CACNA1E: variants seen among roughly 807,000 people sequenced by gnomAD.
The protein encoded by CACNA1E is calcium voltage-gated channel subunit alpha1 E, also known as voltage-dependent R-type calcium channel subunit alpha-1E.
In CACNA1E, 40 loss-of-function variants were observed where a neutral mutation model predicts 259.2. The ratio of observed to expected loss-of-function variants is 0.15; its 90% CI spans 0.12 to 0.20. The LOEUF is 0.20. Among genes scored for constraint, CACNA1E ranks in the 10% least tolerant of loss-of-function variants. CACNA1E has a pLI of 1.00. For missense variants in CACNA1E, 1,874 were observed against 3,040.1 expected (o/e 0.62, Z 9.02); for synonymous variants, 1,104 against 1,138.5 (o/e 0.97, Z 0.61).
At chr1:181,370,395 G>A (rs1336084398) in intron 1 of CACNA1E, among the ~76,000 whole-genome samples, 1 of 150,856 alleles carries the variant, frequency 6.6e-6, no homozygotes, top group Admixed American at 6.6e-5. Context: ...CCCAGGTAGT[G>A]AGCATGGTAC....
rs115624902 is a variant in CACNA1E at position 181,347,539 on chromosome 1, C to G, written c.-15+29416C>G. Among the ~76,000 whole-genome samples, 188 of 152,354 alleles carry G rather than the reference C, an allele frequency of 1.2e-3. 1 individual carries two copies. The highest frequency in any genetic ancestry group is 4.3e-3 in the African/African-American group (180 of 41,582). On this transcript the variant is annotated intron_variant, in intron 1 of 11. Transcript: ENST00000524607. Reference sequence around the variant, plus strand: ...AGGGCCCCCTCCCTCCATCTCCACCCTGAACTCCAGACCCTGCAGGCTCTG... The same window carrying G: ...AGGGCCCCCTCCCTCCATCTCCACCGTGAACTCCAGACCCTGCAGGCTCTG...
chr1:181,688,729 T>C (rs1354457711), intron 7 of CACNA1E, among the ~76,000 whole-genome samples: 1 of 152,208 alleles, frequency 6.6e-6, no homozygotes, highest in African/African-American at 2.4e-5. Context: ...CACCATGCTA[T>C]ATAATAGACC....
chr1:181,563,274 AG>A (rs1393384107), intron 3 of CACNA1E, among the ~76,000 whole-genome samples: 1 of 152,184 alleles, frequency 6.6e-6, no homozygotes, highest in Non-Finnish European at 1.5e-5. Context: ...TCAACTTTTC[AG>A]GCATCATAGG....
chr1:181,375,634 T>C (rs1655054087), intron 1 of CACNA1E, among the ~76,000 whole-genome samples: 1 of 152,256 alleles, frequency 6.6e-6, no homozygotes, highest in Non-Finnish European at 1.5e-5. Context: ...AGTACTATTA[T>C]AGTCCCCATT....
intron 1 of CACNA1E, among the ~76,000 whole-genome samples, chr1:181,354,717 G>A (rs1487106723): frequency 6.6e-6 from 1 of 152,210 alleles, no homozygotes; most frequent in Non-Finnish European, 1.5e-5. Flanking sequence ...AAGGGCAGTA[G>A]AGCCTTGGTT....
intron 1 of CACNA1E, among the ~76,000 whole-genome samples, chr1:181,324,227 A>G (rs1650594344): frequency 6.6e-6 from 1 of 152,218 alleles, no homozygotes; most frequent in Non-Finnish European, 1.5e-5. Flanking sequence ...GTAGGAAGAG[A>G]GAAACCATAC....
chr1:181,730,793 G>C (rs2102539009), intron 18 of CACNA1E, among the ~76,000 whole-genome samples: 1 of 152,336 alleles, frequency 6.6e-6, no homozygotes, highest in East Asian at 1.9e-4. Context: ...AAATGACTCG[G>C]GGGAGGGGAA....
chr1:181,382,558 G>GA lies in CACNA1E; in HGVS notation c.-14-30573dup, dbSNP rs1655528893. ...ATTTGATAAAACCCAGTGTGTCTAG[G>GA]AATCTTGTTGATGACCAAATCATTT... On this transcript the variant is annotated intron_variant, in intron 1 of 11. Coordinates refer to the CACNA1E transcript ENST00000524607. 3.9e-5 allele frequency among the ~76,000 whole-genome samples: 6 copies of GA among 152,090 alleles called. No homozygotes were observed. The South Asian group carries it at 1.2e-3, about 32-fold the overall frequency.
At chr1:181,367,593 A>G (rs924902423) in intron 1 of CACNA1E, among the ~76,000 whole-genome samples, 1 of 134,360 alleles carries the variant, frequency 7.4e-6, no homozygotes, top group East Asian at 2.0e-4. Flanking sequence ...TATATAATAT[A>G]TAACTATAAT....
chr1:181,379,200 C>T (rs772521567), intron 1 of CACNA1E, among the ~76,000 whole-genome samples: 3 of 151,944 alleles, frequency 2.0e-5, no homozygotes, highest in Non-Finnish European at 4.4e-5. Flanking sequence ...AAAAAAAGAA[C>T]AGAGCATTAG....
intron 1 of CACNA1E, 67 bp from the exon 2 acceptor site, chr1:181,510,410 T>C (rs938014046): frequency 6.8e-6 from 7 of 1,036,378 alleles, no homozygotes; most frequent in African/African-American, 6.3e-5. Context: ...TGTGTGTTTA[T>C]GGGCACGGCC....
At chr1:181,678,581 A>G (rs1467108775) in intron 7 of CACNA1E, among the ~76,000 whole-genome samples, 1 of 152,356 alleles carries the variant, frequency 6.6e-6, no homozygotes, top group East Asian at 1.9e-4. Flanking sequence ...TACTGGTATT[A>G]GGATTTGAAA....
In CACNA1E at chr1:181,733,465, T is replaced by C. The variant is rs1655713720; in HGVS notation, c.2977T>C (p.Ser993Pro). Residue 993 changes from serine to proline, a missense_variant, in exon 21 of 48, where the codon TCC (serine) becomes CCC (proline). By Grantham distance (74) the Ser-to-Pro change is moderately conservative. Transcript: ENST00000367573. Reference sequence around the variant, plus strand: ...CAACAGTCTGATGGTGTCCAGAGGCTCCGGGCTGGCAGGAGGCCTTGATGA... The same window carrying C: ...CAACAGTCTGATGGTGTCCAGAGGCCCCGGGCTGGCAGGAGGCCTTGATGA... ...RTNSLMVSRG[S>P]GLAGGLDEAD... 1.9e-6 allele frequency: 3 copies of C among 1,552,838 alleles called. No homozygotes were observed. Among genetic ancestry groups the C allele is most frequent in the Middle Eastern group, 1.7e-4 (1 of 5,780 alleles).
At chr1:181,795,785 T>TATA (rs1247647713) in intron 46 of CACNA1E, among the ~76,000 whole-genome samples, 2 of 145,584 alleles carry the variant, frequency 1.4e-5, no homozygotes. Flanking sequence ...TATATATATA[T>TATA]ATTAGTCTGG....
chr1:181,745,504 C>A, intron 25 of CACNA1E: 1 of 325,648 alleles, frequency 3.1e-6, no homozygotes, highest in Non-Finnish European at 6.0e-6. Flanking sequence ...ACCCTGTGAG[C>A]CTTCACAACC....
chr1:181,711,286 G>C (rs1653336246), intron 8 of CACNA1E, among the ~76,000 whole-genome samples: 1 of 152,228 alleles, frequency 6.6e-6, no homozygotes, highest in African/African-American at 2.4e-5. Flanking sequence ...CTTAAGGCAG[G>C]CATCTTAGCA....
At chr1:181,373,693 A>G (rs1390672903) in intron 1 of CACNA1E, among the ~76,000 whole-genome samples, 2 of 151,602 alleles carry the variant, frequency 1.3e-5, no homozygotes, top group Non-Finnish European at 2.9e-5. Context: ...GCCTGCCACT[A>G]CGCCCGGCTA....
chr1:181,730,208 C>T (rs552726795), intron 18 of CACNA1E, among the ~76,000 whole-genome samples: 22 of 152,292 alleles, frequency 1.4e-4, no homozygotes, highest in African/African-American at 5.1e-4. Flanking sequence ...GCATGTTCTC[C>T]GTGGGTGGGC....
chr1:181,495,984 G>A (rs1369380003), intron 1 of CACNA1E, among the ~76,000 whole-genome samples: 1 of 152,204 alleles, frequency 6.6e-6, no homozygotes, highest in Non-Finnish European at 1.5e-5. Flanking sequence ...GGATTAAGGT[G>A]TGGAGAGGTT....
Sources: gnomAD v4.1 joint callset for allele counts (sites outside exome capture counted in the v4.1 genomes callset) on GRCh38, gnomAD v4.1.1 for gene constraint, MANE v1.5 for transcripts, NCBI Gene and HGNC (gene_info 2026-07-23, HGNC 2026-07-21) for gene names.